Variants in SMC4 observed in about 807,000 individuals in gnomAD.
SMC4 encodes the protein structural maintenance of chromosomes 4.
A neutral mutation model predicts 145.6 loss-of-function variants in SMC4; 87 were observed. The ratio of observed to expected loss-of-function variants is 0.60; its 90% CI spans 0.50 to 0.71. The LOEUF is 0.71. SMC4 is among the 30% of genes least tolerant of loss of function. The pLI is 0.00. For missense variants in SMC4, 1,447 were observed against 1,537.1 expected (o/e 0.94, Z 0.98); for synonymous variants, 558 against 500.7 (o/e 1.11, Z -1.53).
Position 160,433,730 on chromosome 3 carries a change from T to C in SMC4, c.3788T>C (p.Ile1263Thr), listed in dbSNP as rs371694891. ...ATGTTTGAGATTTCGGATAGACTTA[T>C]TGGAATTTACAAGACATACAACATA... ...NNMFEISDRL[I>T]GIYKTYNITK... Residue 1263 changes from isoleucine to threonine, a missense_variant, in exon 24 of 24, where the codon ATT (isoleucine) becomes ACT (threonine). Transcript: ENST00000357388. 4 of 1,593,338 alleles carry C rather than the reference T, an allele frequency of 2.5e-6. No individual in the cohort carries two copies. The highest frequency in any genetic ancestry group is 1.7e-5 in the Admixed American group (1 of 57,554).
intron 1 of SMC4, chr3:160,400,024 C>T (rs1431563527): frequency 6.6e-6 from 1 of 152,316 alleles, no homozygotes; most frequent in East Asian, 1.9e-4. Flanking sequence ...ATCCTAGTCT[C>T]TATCTGGAAA....
At position 160,431,844 on chromosome 3, in the gene SMC4, T is replaced by C. The variant is rs761954139; in HGVS notation, c.3297+19T>C. 26 of 1,589,422 alleles carry C rather than the reference T, an allele frequency of 1.6e-5. No individual in the cohort carries two copies. Among genetic ancestry groups the C allele is most frequent in the Non-Finnish European group, 1.5e-5 (18 of 1,171,310 alleles). ...AAAGAAGGTATGAATGAACTGTGTA[T>C]GTATACTAGTTGGAGTTCTTTTTAG... is the stretch of plus-strand genomic sequence containing the variant. On this transcript the variant is annotated intron_variant, in intron 21 of 23. Coordinates refer to ENST00000357388, the MANE Select transcript of SMC4 (RefSeq NM_001002800.3).
In SMC4 at chr3:160,405,035, G is replaced by C. The variant is rs151181818; in HGVS notation, c.687+531G>C. On this transcript the variant is annotated intron_variant, in intron 5 of 23. Coordinates refer to ENST00000357388, the MANE Select transcript of SMC4 (RefSeq NM_001002800.3). ...ATTTAATCTTTGTAACACTTTGGAT[G>C]GTTAACTTAACCTTTACTCAAGTTG... Among the ~76,000 whole-genome samples, 1,113 of 152,008 alleles carry C rather than the reference G, an allele frequency of 7.3e-3. 20 individuals are homozygous for C. Among genetic ancestry groups the C allele is most frequent in the African/African-American group, 0.026 (1,069 of 41,498 alleles).
chr3:160,428,119 C>A (rs749563204), intron 17 of SMC4, among the ~76,000 whole-genome samples: 11 of 152,314 alleles, frequency 7.2e-5, no homozygotes, highest in Admixed American at 1.3e-4. Flanking sequence ...CCTCTAACTT[C>A]GTTACAGAAA....
chr3:160,403,562 C>CT (rs1402548446), intron 4 of SMC4, among the ~76,000 whole-genome samples: 5 of 151,816 alleles, frequency 3.3e-5, no homozygotes, highest in Non-Finnish European at 5.9e-5. Context: ...ATTCGTTTTC[C>CT]TTTTTTTAAT....
rs773449679 is a variant in SMC4 at position 160,427,155 on chromosome 3, T to A, written c.2605+955T>A. Among the ~76,000 whole-genome samples, 59 of 152,220 alleles carry A rather than the reference T, an allele frequency of 3.9e-4. 1 individual carries two copies. Among genetic ancestry groups the A allele is most frequent in the Admixed American group, 1.3e-4 (2 of 15,280 alleles). ...TTCTAATATTCAGGCACTCAAATAG[T>A]ATCTGCTACTGGCCAGGCTTTGTTT... On this transcript the variant is annotated intron_variant, in intron 17 of 23. Coordinates refer to ENST00000357388, the MANE Select transcript of SMC4 (RefSeq NM_001002800.3).
At chr3:160,410,465 G>A (rs965077438) in intron 5 of SMC4, among the ~76,000 whole-genome samples, 14 of 152,104 alleles carry the variant, frequency 9.2e-5, no homozygotes, top group African/African-American at 3.4e-4. Context: ...TTAAACTCTT[G>A]CTGCAAACAT....
chr3:160,412,279 G>A (rs553491786), intron 6 of SMC4, 47 bp from the exon 7 acceptor site: 7 of 1,518,944 alleles, frequency 4.6e-6, no homozygotes, highest in Non-Finnish European at 5.4e-6. Context: ...AGTTCATATT[G>A]TACATATGAA....
rs1237878056 is a variant in SMC4, at chr3:160,430,669, G to A, written c.2866G>A (p.Asp956Asn). Residue 956 changes from aspartate (D) to asparagine (N), a missense_variant, in exon 19 of 24, where the codon GAT becomes AAT. Transcript: ENST00000357388. The part of the protein sequence containing the change: ...KEIKDTEKEV[D>N]DLTAELKSLE... ...AATAAAAGATACTGAGAAAGAGGTG[G>A]ATGACCTAACAGCAGAGCTGAAAAG... The A allele has an allele frequency of 6.2e-7, 1 of 1,613,752 alleles. No homozygotes were observed. Among genetic ancestry groups the A allele is most frequent in the Admixed American group, 1.7e-5 (1 of 59,982 alleles).
At chr3:160,418,434 T>G (rs1188248462) in intron 11 of SMC4, among the ~76,000 whole-genome samples, 1 of 152,148 alleles carries the variant, frequency 6.6e-6, no homozygotes, top group East Asian at 1.9e-4. Context: ...GAATTAGATG[T>G]CTAAGGAATT....
chr3:160,423,411 T>G lies in SMC4; in HGVS notation c.2020-14T>G. On this transcript the variant is annotated splice_polypyrimidine_tract_variant and intron_variant, in intron 13 of 23. Coordinates refer to ENST00000357388, the MANE Select transcript of SMC4 (RefSeq NM_001002800.3). ...TTAACTGTTGTTTTTGTTTGTTTGTTTGTTTACTTTTAGATGGCTGTATGG... is the reference window on the plus strand; with the variant it reads ...TTAACTGTTGTTTTTGTTTGTTTGTGTGTTTACTTTTAGATGGCTGTATGG... 1 of 1,471,694 alleles carries G rather than the reference T, an allele frequency of 6.8e-7. No homozygotes were observed. 91.2% of individuals were successfully genotyped at this position (1,471,694 alleles called of 1,614,324 possible).
intron 18 of SMC4, among the ~76,000 whole-genome samples, chr3:160,429,671 A>T (rs1374369429): frequency 6.6e-6 from 1 of 150,482 alleles, no homozygotes; most frequent in Non-Finnish European, 1.5e-5. Flanking sequence ...AATACCTAGA[A>T]GATTTCATTG....
chr3:160,412,611 C>T, intron 7 of SMC4, 158 bp downstream of exon 7: 2 of 1,255,326 alleles, frequency 1.6e-6, no homozygotes, highest in African/African-American at 1.5e-5. Flanking sequence ...CCTGTAATTC[C>T]AGCACTTTGG....
Position 160,402,781 on chromosome 3 carries a change from C to T in SMC4, c.424C>T (p.Leu142Phe). 6.2e-7 allele frequency: 1 copy of T among 1,611,552 alleles called. No individual in the cohort carries two copies. Among genetic ancestry groups the T allele is most frequent in the Non-Finnish European group, 8.5e-7 (1 of 1,179,412 alleles). Residue 142 changes from leucine (L) to phenylalanine (F), a missense_variant, in exon 4 of 24, where the codon CTC becomes TTC. Transcript: ENST00000357388. ...YRAQKIRSKKLSVLIHNSDEH... is the reference protein window; with the variant it reads ...YRAQKIRSKKFSVLIHNSDEH... Reference sequence around the variant, plus strand: ...AGCACAAAAAATAAGATCTAAAAAACTCTCAGTATTAATACATAATTCTGA... The same window carrying T: ...AGCACAAAAAATAAGATCTAAAAAATTCTCAGTATTAATACATAATTCTGA...
intron 8 of SMC4, 159 bp downstream of exon 8, chr3:160,413,772 G>A: frequency 2.2e-6 from 1 of 463,894 alleles, no homozygotes; most frequent in South Asian, 3.0e-5. Flanking sequence ...CTTGCATCCA[G>A]TTCCTTGTTA....
chr3:160,404,631 C>CT (rs1364601027), intron 5 of SMC4, 127 bp downstream of exon 5: 4 of 862,038 alleles, frequency 4.6e-6, no homozygotes, highest in Admixed American at 1.7e-5. Context: ...GGTTTACATG[C>CT]TACAGTCAAG....
intron 12 of SMC4, among the ~76,000 whole-genome samples, chr3:160,420,141 C>T (rs1451175935): frequency 1.3e-5 from 2 of 152,124 alleles, no homozygotes; most frequent in Non-Finnish European, 2.9e-5. Flanking sequence ...ACCTTAACCC[C>T]ACCTATTTCC....
At position 160,431,046 on chromosome 3, in the gene SMC4, G is replaced by T; in HGVS notation, c.2955G>T (p.Glu985Asp). ...NTNAAEESLP[E>D]IQKEHRNLLQ... Reference sequence around the variant, plus strand: ...TCGGTGTTTAGGAATCCTTACCAGAGATCCAGAAAGAACATCGCAATCTGC... The same window carrying T: ...TCGGTGTTTAGGAATCCTTACCAGATATCCAGAAAGAACATCGCAATCTGC... Residue 985 changes from glutamate (E) to aspartate (D), a missense_variant, in exon 20 of 24, where the codon GAG (glutamate) becomes GAT (aspartate). Transcript: ENST00000357388. 6.3e-7 allele frequency: 1 copy of T among 1,599,934 alleles called. No homozygotes were observed. Among genetic ancestry groups the T allele is most frequent in the East Asian group, 2.3e-5 (1 of 44,400 alleles).
rs150790249 is a variant in SMC4 at position 160,413,263 on chromosome 3, C to T, written c.981-210C>T. On this transcript the variant is annotated intron_variant, in intron 7 of 23. Coordinates refer to ENST00000357388, the MANE Select transcript of SMC4 (RefSeq NM_001002800.3). The stretch of plus-strand genomic sequence containing the variant: ...CCTCCTAAAGTGCTGGGATTACAGG[C>T]GTCGGCCACCACATTGGTACAATGA... 2.1e-3 allele frequency among the ~76,000 whole-genome samples: 316 copies of T among 152,110 alleles called. 1 individual carries two copies. Among genetic ancestry groups the T allele is most frequent in the Non-Finnish European group, 3.6e-3 (244 of 67,982 alleles).
Sources: allele counts gnomAD v4.1 joint callset (sites outside exome capture counted in the v4.1 genomes callset), GRCh38; gene constraint gnomAD v4.1.1; transcripts MANE v1.5; gene names NCBI Gene and HGNC (gene_info 2026-07-23, HGNC 2026-07-21).